The following CES1 variants were observed in gnomAD, a reference collection of about 807,000 sequenced individuals.
CES1 encodes liver carboxylesterase 1.
Under a neutral mutation model 53.0 loss-of-function variants are expected in CES1, and 50 were observed. The observed-to-expected ratio is 0.94, with a 90% confidence interval of 0.75 to 1.19. The LOEUF (loss-of-function observed/expected upper bound fraction) is 1.19, where lower values mean the gene tolerates loss of function less well. CES1 is among the 50% of genes most tolerant of loss of function. The pLI, the probability that CES1 is intolerant of heterozygous loss-of-function variation, is 0.00. For missense variants in CES1, 534 were observed against 538.0 expected (o/e 0.99, Z 0.07); for synonymous variants, 202 against 210.1 (o/e 0.96, Z 0.33).
chr16:55,809,361 T>TTAA (rs2031584696), intron 11 of CES1, among the ~76,000 whole-genome samples: 2 of 152,240 alleles, frequency 1.3e-5, no homozygotes, highest in African/African-American at 4.8e-5. Flanking sequence ...CACCTGCTAG[T>TTAA]TAAGCGTTAG....
intron 6 of CES1, 98 bp from the exon 7 acceptor site, chr16:55,819,737 G>A: frequency 8.8e-6 from 9 of 1,022,834 alleles, no homozygotes; most frequent in Non-Finnish European, 1.2e-5. Context: ...ACTTGTACTA[G>A]TGGCAGGGAG....
At position 55,810,946 on chromosome 16, in the gene CES1, C is replaced by T; in HGVS notation, c.1151G>A (p.Trp384Ter). The part of the protein sequence containing the change: ...LDQKTAMSLL[W>*]KSYPLVCIAK... ...TCTTACAACAAGGGGATAGGACTTC[C>T]ACAGGAGTGACATGGCTGTCTTCTG... The change falls in exon 10 of 14, where the codon TGG (tryptophan) becomes TAG (stop). Residue 384 changes from tryptophan (W) to a stop codon, truncating the protein, a stop_gained. Coordinates refer to ENST00000360526, the MANE Select transcript of CES1 (RefSeq NM_001025195.2). LOFTEE classifies it high-confidence loss of function. 2 of 1,613,670 alleles carry T rather than the reference C, an allele frequency of 1.2e-6. No homozygotes were observed. The highest frequency in any genetic ancestry group is 1.7e-6 in the Non-Finnish European group (2 of 1,179,850).
chr16:55,828,893 G>A lies in CES1; in HGVS notation c.134C>T (p.Ala45Val), dbSNP rs142469038. Reference sequence around the variant, plus strand: ...TCCCAGGAAAATGGCCACAGGCTGTGCAAATCCTTCTAAGCTGACGAACTT... The same window carrying A: ...TCCCAGGAAAATGGCCACAGGCTGTACAAATCCTTCTAAGCTGACGAACTT... ...LGKFVSLEGF[A>V]QPVAIFLGIP... The change falls in exon 2 of 14, where the codon GCA (alanine) becomes GTA (valine). Residue 45 changes from alanine to valine, a missense_variant. Ala to Val is a moderately conservative substitution (Grantham distance 64). Coordinates refer to ENST00000360526, the MANE Select transcript of CES1 (RefSeq NM_001025195.2). The A allele has an allele frequency of 1.6e-4, 252 of 1,614,202 alleles. No individual in the cohort carries two copies. The Middle Eastern group carries it at 4.1e-3, about 26-fold the overall frequency.
chr16:55,820,115 G>A (rs1294774623), intron 6 of CES1: 9 of 588,406 alleles, frequency 1.5e-5, no homozygotes, highest in Non-Finnish European at 2.8e-5. Flanking sequence ...AGGGCCATGA[G>A]CTGGAGTCCC....
chr16:55,831,975 G>T (rs1325132720), intron 1 of CES1, among the ~76,000 whole-genome samples: 2 of 144,564 alleles, frequency 1.4e-5, no homozygotes, highest in African/African-American at 5.1e-5. Flanking sequence ...TGGCATCTGA[G>T]GCCTTGTTGA....
intron 3 of CES1, among the ~76,000 whole-genome samples, chr16:55,824,845 C>T (rs1869677373): frequency 6.6e-6 from 1 of 152,224 alleles, no homozygotes; most frequent in African/African-American, 2.4e-5. Context: ...TAGTCAAAAG[C>T]AGAACCAGGA....
intron 3 of CES1, among the ~76,000 whole-genome samples, chr16:55,824,748 G>A (rs1489525832): frequency 6.6e-6 from 1 of 152,226 alleles, no homozygotes; most frequent in Admixed American, 6.5e-5. Flanking sequence ...CACGCTTAGT[G>A]GTCACCCTTG....
intron 11 of CES1, among the ~76,000 whole-genome samples, chr16:55,809,326 C>T (rs2031583469): frequency 1.3e-5 from 2 of 152,324 alleles, no homozygotes; most frequent in South Asian, 2.1e-4. Context: ...GCACCTGCCC[C>T]TTCCTGTGCA....
intron 2 of CES1, among the ~76,000 whole-genome samples, chr16:55,828,351 T>A (rs1413096739): frequency 6.6e-6 from 1 of 152,218 alleles, no homozygotes; most frequent in Non-Finnish European, 1.5e-5. Flanking sequence ...ATGTCAAAAT[T>A]CAAGACAGCA....
At position 55,828,396 on chromosome 16, in the gene CES1, C is replaced by T. The variant is rs533617748; in HGVS notation, c.260+371G>A. Among the ~76,000 whole-genome samples the T allele has an allele frequency of 2.6e-5, 4 of 152,340 alleles. No individual in the cohort carries two copies. In the South Asian group the frequency reaches 8.3e-4, roughly 32 times the overall value. ...GGATCCTTCCTTCTGATCTCCCTCA[C>T]CTGCTTAACTGCTTCTTTGTTTCCA... On this transcript the variant is annotated intron_variant, in intron 2 of 13. Coordinates refer to ENST00000360526, the MANE Select transcript of CES1 (RefSeq NM_001025195.2).
rs750149535 is a variant in CES1, at chr16:55,810,978, T to C, written c.1119A>G (p.Gln373=). The stretch of plus-strand genomic sequence containing the variant: ...GTGACATGGCTGTCTTCTGGTCCAG[T>C]TGCCCTTCGGAGAGTGGATAGCTCA... The part of the protein sequence containing the change: ...QLMSYPLSEG[Q]LDQKTAMSLL... The change falls in exon 10 of 14, where the codon CAA becomes CAG. Residue 373 remains glutamine, a synonymous_variant. Transcript: ENST00000360526. 1.2e-6 allele frequency: 2 copies of C among 1,613,414 alleles called. No individual in the cohort carries two copies. The highest frequency in any genetic ancestry group is 1.7e-6 in the Non-Finnish European group (2 of 1,179,820).
chr16:55,821,645 G>C, intron 4 of CES1, 124 bp from the exon 5 acceptor site: 1 of 1,038,196 alleles, frequency 9.6e-7, no homozygotes, highest in South Asian at 1.3e-5. Flanking sequence ...CAGCATCTCT[G>C]AGACCCTGCT....
intron 6 of CES1, 75 bp from the exon 7 acceptor site, chr16:55,819,714 T>G (rs2032094652): frequency 7.9e-7 from 1 of 1,273,756 alleles, no homozygotes; most frequent in Non-Finnish European, 1.1e-6. Flanking sequence ...AGTGGCATTC[T>G]ATCCCAAGCC....
intron 7 of CES1, among the ~76,000 whole-genome samples, 196 bp from the exon 8 acceptor site, chr16:55,817,158 A>G (rs1296427135): frequency 6.6e-5 from 10 of 152,156 alleles, no homozygotes; most frequent in Admixed American, 3.3e-4. Flanking sequence ...TGTCAATCCA[A>G]TAGAGTTTAC....
At chr16:55,817,648 G>A (rs1253672071) in intron 7 of CES1, among the ~76,000 whole-genome samples, 2 of 152,132 alleles carry the variant, frequency 1.3e-5, no homozygotes, top group East Asian at 3.9e-4. Flanking sequence ...CACTAGCCAG[G>A]AGTGTGTGTG....
intron 9 of CES1, among the ~76,000 whole-genome samples, chr16:55,812,610 T>C (rs1287785542): frequency 1.3e-5 from 2 of 152,044 alleles, no homozygotes; most frequent in African/African-American, 2.4e-5. Context: ...GCCCCCTCCG[T>C]TTTCCCATCT....
intron 3 of CES1, among the ~76,000 whole-genome samples, chr16:55,825,261 C>G (rs1470448243): frequency 2.0e-5 from 3 of 152,192 alleles, no homozygotes; most frequent in Non-Finnish European, 4.4e-5. Context: ...CATGTAGGAC[C>G]AACTTCTAGT....
intron 1 of CES1, among the ~76,000 whole-genome samples, chr16:55,830,927 A>C (rs1459821439): frequency 9.2e-5 from 14 of 152,146 alleles, no homozygotes; most frequent in African/African-American, 3.1e-4. Context: ...GGGGAAATGG[A>C]AGGGAAAGAA....
intron 8 of CES1, among the ~76,000 whole-genome samples, chr16:55,814,504 C>G (rs1395607300): frequency 1.3e-5 from 2 of 152,236 alleles, no homozygotes; most frequent in Non-Finnish European, 2.9e-5. Flanking sequence ...TCAGTTTTCT[C>G]ATCTAAGAGG....
Sources: allele counts gnomAD v4.1 joint callset (sites outside exome capture counted in the v4.1 genomes callset), GRCh38; gene constraint gnomAD v4.1.1; transcripts MANE v1.5; gene names NCBI Gene and HGNC (gene_info 2026-07-23, HGNC 2026-07-21).